The following OSBPL9 variants were observed in gnomAD, a reference collection of about 807,000 sequenced individuals.
OSBPL9 encodes the protein oxysterol binding protein like 9.
In OSBPL9, 40 loss-of-function variants were observed where a neutral mutation model predicts 106.6. The observed-to-expected ratio is 0.38, with a 90% confidence interval of 0.29 to 0.49. The LOEUF (loss-of-function observed/expected upper bound fraction) is 0.49. Among genes scored for constraint, OSBPL9 ranks in the 20% least tolerant of loss-of-function variants. The pLI is 0.97. For missense variants in OSBPL9, 609 were observed against 887.2 expected, an observed-to-expected ratio of 0.69 and a Z score of 3.98; for synonymous variants, 269 against 295.4, an observed-to-expected ratio of 0.91 and a Z score of 0.92.
intron 1 of OSBPL9, among the ~76,000 whole-genome samples, chr1:51,590,645 GA>G (rs982641348): frequency 2.7e-5 from 4 of 145,850 alleles, no homozygotes; most frequent in African/African-American, 7.5e-5. Context: ...AGAAAAAAAA[GA>G]AAAAAAAAGT....
chr1:51,655,473 T>A (rs1243280850), intron 2 of OSBPL9, among the ~76,000 whole-genome samples: 1 of 152,210 alleles, frequency 6.6e-6, no homozygotes, highest in Non-Finnish European at 1.5e-5. Context: ...CCCATTCGGC[T>A]ATCAGCTGCA....
chr1:51,526,818 C>T, the OSBPL9 span, among the ~76,000 whole-genome samples: 1 of 151,970 alleles, frequency 6.6e-6, no homozygotes, highest in African/African-American at 2.4e-5. Context: ...AATCTCGGCT[C>T]ACTGCAACCT....
intron 3 of OSBPL9, among the ~76,000 whole-genome samples, chr1:51,689,052 C>T (rs1490880125): frequency 6.6e-6 from 1 of 152,140 alleles, no homozygotes; most frequent in Non-Finnish European, 1.5e-5. Flanking sequence ...GCAGAAATAC[C>T]TTCACTCTAC....
intron 4 of OSBPL9, among the ~76,000 whole-genome samples, chr1:51,734,111 T>C (rs540275208): frequency 2.6e-5 from 4 of 152,336 alleles, no homozygotes; most frequent in African/African-American, 9.6e-5. Flanking sequence ...GTGTCATGAA[T>C]GAATGGTTTG....
chr1:51,530,185 A>AC, the OSBPL9 span, among the ~76,000 whole-genome samples: 5 of 101,654 alleles, frequency 4.9e-5, no homozygotes, highest in South Asian at 5.2e-4. Flanking sequence ...AAAAAAAAAA[A>AC]AAAAAAACAA....
At position 51,714,075 on chromosome 1, in the gene OSBPL9, T is replaced by G. The variant is rs1274991073; in HGVS notation, c.314T>G (p.Leu105Arg). 1 of 1,606,608 alleles carries G rather than the reference T, an allele frequency of 6.2e-7. No homozygotes were observed. Among genetic ancestry groups the G allele is most frequent in the Admixed American group, 1.7e-5 (1 of 59,654 alleles). ...EETILRHTLQ[L>R]QGLDSGFVPS... ...ACAATTCTTCGACATACTCTCCAGCTTCAAGTAAGGGTCTTTACATGGTTT... is the reference window on the plus strand; with the variant it reads ...ACAATTCTTCGACATACTCTCCAGCGTCAAGTAAGGGTCTTTACATGGTTT... The change falls in exon 4 of 24, where the codon CTT becomes CGT. Residue 105 changes from leucine (L) to arginine (R), a missense_variant. Coordinates refer to ENST00000428468, the MANE Select transcript of OSBPL9 (RefSeq NM_024586.6).
chr1:51,782,964 C>T lies in OSBPL9; in HGVS notation c.1513+321C>T, dbSNP rs142636825. Among the ~76,000 whole-genome samples, 8 of 152,200 alleles carry T rather than the reference C, an allele frequency of 5.3e-5. No individual in the cohort carries two copies. In the East Asian group the frequency reaches 5.8e-4, roughly 11 times the overall value. On this transcript the variant is annotated intron_variant, in intron 17 of 23. Transcript: ENST00000428468. ...TGTGAGACAGTTTATATAAGTGATACGTAGTTTCTACACAGTATATTCCTG... is the reference window on the plus strand; with the variant it reads ...TGTGAGACAGTTTATATAAGTGATATGTAGTTTCTACACAGTATATTCCTG...
intron 1 of OSBPL9, among the ~76,000 whole-genome samples, chr1:51,638,424 C>A (rs1645585235): frequency 6.6e-6 from 1 of 152,096 alleles, no homozygotes; most frequent in Non-Finnish European, 1.5e-5. Context: ...ATCAGGATGG[C>A]TTTAGGAGTC....
chr1:51,661,363 T>A (rs1647139490), intron 2 of OSBPL9, among the ~76,000 whole-genome samples: 1 of 152,200 alleles, frequency 6.6e-6, no homozygotes, highest in Non-Finnish European at 1.5e-5. Context: ...CAAAACTATC[T>A]GTCTGTCTTT....
chr1:51,662,245 G>A (rs1261621692), intron 2 of OSBPL9, among the ~76,000 whole-genome samples: 2 of 152,186 alleles, frequency 1.3e-5, no homozygotes, highest in Admixed American at 6.5e-5. Flanking sequence ...AATTGAAAAG[G>A]GCTGTTGTTA....
intron 3 of OSBPL9, among the ~76,000 whole-genome samples, chr1:51,677,550 CTT>C (rs199805610): frequency 3.4e-5 from 5 of 145,832 alleles, no homozygotes; most frequent in Non-Finnish European, 4.6e-5. Flanking sequence ...TTACGGAAAA[CTT>C]TTTTTTTTTT....
Position 51,729,945 on chromosome 1 carries a change from TG to T in OSBPL9, c.319-15589del. ...GGGAGCAGCCCCCGGCTACCTCCCC[TG>T]GAGGCACAGAGGGCGGGGGCCTTGG... is the stretch of plus-strand genomic sequence containing the variant. On this transcript the variant is annotated intron_variant, in intron 4 of 23. Transcript: ENST00000428468. The surrounding 1 kb of genome is among the most constrained non-coding windows in gnomAD (Gnocchi z 5.1). 7.6e-7 allele frequency: 1 copy of T among 1,313,902 alleles called. No individual in the cohort carries two copies. The highest frequency in any genetic ancestry group is 9.8e-7 in the Non-Finnish European group (1 of 1,023,626). 81.4% of individuals were successfully genotyped at this position (1,313,902 alleles called of 1,614,324 possible).
chr1:51,610,293 G>A (rs2148605977), intron 2 of OSBPL9, among the ~76,000 whole-genome samples: 1 of 151,996 alleles, frequency 6.6e-6, no homozygotes, highest in South Asian at 2.1e-4. Flanking sequence ...ATGGAGTCTT[G>A]CTCTGTTGCC....
chr1:51,549,791 C>T, the OSBPL9 span, among the ~76,000 whole-genome samples: 1 of 152,244 alleles, frequency 6.6e-6, no homozygotes, highest in African/African-American at 2.4e-5. Flanking sequence ...TGAGATTGTG[C>T]CACTGCACTC....
chr1:51,560,659 A>G, the OSBPL9 span, among the ~76,000 whole-genome samples: 13 of 152,282 alleles, frequency 8.5e-5, no homozygotes, highest in East Asian at 2.5e-3. Context: ...ATCTTTCTTA[A>G]TAAGTCTCAG....
the OSBPL9 span, chr1:51,518,317 G>GGGAA: frequency 6.6e-6 from 1 of 152,472 alleles, no homozygotes. Flanking sequence ...CGAGGCAAGA[G>GGGAA]GGAAGCTCGA....
intron 7 of OSBPL9, chr1:51,749,567 T>C: frequency 2.5e-6 from 1 of 400,646 alleles, no homozygotes; most frequent in Non-Finnish European, 5.2e-6. Context: ...TTCCTTGGCC[T>C]ACCAAAGCAG....
chr1:51,764,576 C>T (rs1031433313), intron 11 of OSBPL9, among the ~76,000 whole-genome samples: 2 of 148,776 alleles, frequency 1.3e-5, no homozygotes, highest in Non-Finnish European at 3.0e-5. Context: ...GTAAGTGACT[C>T]TGGATTCTTT....
At chr1:51,649,559 CCTTT>C (rs1363825062) in intron 1 of OSBPL9, among the ~76,000 whole-genome samples, 6 of 152,056 alleles carry the variant, frequency 3.9e-5, no homozygotes, top group Admixed American at 3.9e-4. Flanking sequence ...CACTACCTTC[CCTTT>C]CTTTTTATCA....
Sources: allele counts gnomAD v4.1 joint callset (sites outside exome capture counted in the v4.1 genomes callset), GRCh38; gene constraint gnomAD v4.1.1; non-coding constraint Gnocchi (gnomAD v3.1); transcripts MANE v1.5; gene names NCBI Gene and HGNC (gene_info 2026-07-23, HGNC 2026-07-21).